TNS3: variants seen among roughly 807,000 people sequenced by gnomAD.
The protein encoded by TNS3 is tensin-3.
In TNS3, 45 loss-of-function variants were observed where a neutral mutation model predicts 140.9. The ratio of observed to expected loss-of-function variants is 0.32; its 90% CI spans 0.25 to 0.41. TNS3 has a LOEUF of 0.41. TNS3 is among the 10% of genes least tolerant of loss of function. The pLI, the probability that TNS3 is intolerant of heterozygous loss-of-function variation, is 1.00. For synonymous variants in TNS3, 815 were observed against 788.4 expected (o/e 1.03, Z -0.56); for missense variants, 1,716 against 1,906.7 (o/e 0.90, Z 1.86).
intron 4 of TNS3, among the ~76,000 whole-genome samples, chr7:47,455,897 G>C (rs1358427798): frequency 1.3e-5 from 2 of 152,198 alleles, no homozygotes; most frequent in African/African-American, 2.4e-5. Flanking sequence ...CAGAGTCTGG[G>C]CAGAGAAATG....
chr7:47,398,974 A>T (rs1225700566), intron 15 of TNS3, among the ~76,000 whole-genome samples: 1 of 151,938 alleles, frequency 6.6e-6, no homozygotes, highest in East Asian at 1.9e-4. Flanking sequence ...AATTCAGTAA[A>T]GTATCAGGTT....
At chr7:47,391,094 CG>C (rs1188018286) in intron 16 of TNS3, among the ~76,000 whole-genome samples, 3 of 152,188 alleles carry the variant, frequency 2.0e-5, no homozygotes, top group Admixed American at 6.5e-5. Flanking sequence ...ACCAGCCAGG[CG>C]GAACACACTT....
rs3839718 is a variant in TNS3 at position 47,380,738 on chromosome 7, G to GCACAGA, written c.1025-11123_1025-11118dup. Among the ~76,000 whole-genome samples, 358 of 151,740 alleles carry GCACAGA rather than the reference G, an allele frequency of 2.4e-3. 4 individuals are homozygous for GCACAGA. In the East Asian group the frequency reaches 0.033, roughly 14 times the overall value. On this transcript the variant is annotated intron_variant, in intron 16 of 30. Coordinates refer to ENST00000311160, the MANE Select transcript of TNS3 (RefSeq NM_022748.12). ...ATGCACACACACACTCACCACACAG[G>GCACAGA]CACAGACACACATACACATATGCAC...
chr7:47,344,968 A>G lies in TNS3; in HGVS notation c.2522T>C (p.Met841Thr). The G allele has an allele frequency of 1.2e-6, 2 of 1,614,248 alleles. No homozygotes were observed. The highest frequency in any genetic ancestry group is 1.7e-6 in the Non-Finnish European group (2 of 1,180,048). ...CACAGGAAATGCTGGAGTTGAACACATGGACTCCTTGCTACTTAAAATTCT... is the reference window on the plus strand; with the variant it reads ...CACAGGAAATGCTGGAGTTGAACACGTGGACTCCTTGCTACTTAAAATTCT... ...DGRILSSKES[M>T]CSTPAFPVSP... Residue 841 changes from methionine (M) to threonine (T), a missense_variant, in exon 19 of 31, where the codon ATG becomes ACG. Around this residue, in one of 3 missense-constraint regions of TNS3, gnomAD observed 1,163 missense variants for 1,182.1 expected, o/e 0.98. Coordinates refer to ENST00000311160, the MANE Select transcript of TNS3 (RefSeq NM_022748.12).
intron 17 of TNS3, among the ~76,000 whole-genome samples, chr7:47,362,069 C>T (rs1174758433): frequency 1.3e-5 from 2 of 152,174 alleles, no homozygotes; most frequent in African/African-American, 4.8e-5. Flanking sequence ...CAGGCTGAAA[C>T]CAGGCTGAGA....
intron 4 of TNS3, among the ~76,000 whole-genome samples, chr7:47,460,424 G>A (rs757249435): frequency 1.2e-4 from 18 of 152,242 alleles, no homozygotes; most frequent in South Asian, 6.2e-4. Context: ...TGCCCCGCAC[G>A]GTGGTGCTTT....
chr7:47,427,298 A>G (rs1226373534), intron 9 of TNS3, among the ~76,000 whole-genome samples: 2 of 152,102 alleles, frequency 1.3e-5, no homozygotes, highest in Non-Finnish European at 2.9e-5. Flanking sequence ...CCAAGAGGGT[A>G]TCTGATTTTC....
intron 1 of TNS3, among the ~76,000 whole-genome samples, chr7:47,530,834 AAAAAAT>A (rs1334560460): frequency 2.3e-4 from 7 of 30,828 alleles, no homozygotes; most frequent in African/African-American, 5.3e-4. Flanking sequence ...AAAAAAAAAA[AAAAAAT>A]ATATATATAT....
At chr7:47,484,881 C>G (rs1797553310) in intron 3 of TNS3, among the ~76,000 whole-genome samples, 1 of 152,232 alleles carries the variant, frequency 6.6e-6, no homozygotes, top group Non-Finnish European at 1.5e-5. Context: ...GGGGCCAACT[C>G]CAGGTGGGCT....
rs1554293440 is a variant in TNS3 at position 47,321,214 on chromosome 7, C to CACTAA, written c.2651-16216_2651-16212dup. Among the ~76,000 whole-genome samples the CACTAA allele has an allele frequency of 4.3e-4, 65 of 152,332 alleles. 2 individuals carry two copies. The East Asian group carries it at 0.013, about 29-fold the overall frequency. On this transcript the variant is annotated intron_variant, in intron 20 of 30. Transcript: ENST00000311160. Reference sequence around the variant, plus strand: ...TTCTCCTCTCTTTGTGTTTTTGTTTCACTAAGGTTTCCGATTCATACCATG... The same window carrying CACTAA: ...TTCTCCTCTCTTTGTGTTTTTGTTTCACTAAACTAAGGTTTCCGATTCATACCATG...
At chr7:47,414,708 C>A (rs190538778) in intron 11 of TNS3, among the ~76,000 whole-genome samples, 1 of 152,290 alleles carries the variant, frequency 6.6e-6, no homozygotes, top group Non-Finnish European at 1.5e-5. Flanking sequence ...TCATGAGATG[C>A]GTCAGGGGAG....
At chr7:47,413,329 G>A (rs1034098275) in intron 12 of TNS3, among the ~76,000 whole-genome samples, 2 of 134,910 alleles carry the variant, frequency 1.5e-5, no homozygotes, top group Admixed American at 8.8e-5. Context: ...TCGGCTCACT[G>A]CAACCTCCAC....
intron 17 of TNS3, among the ~76,000 whole-genome samples, chr7:47,359,456 GA>G (rs756659591): frequency 1.3e-5 from 2 of 152,098 alleles, no homozygotes; most frequent in Non-Finnish European, 2.9e-5. Context: ...ACAAATTTCT[GA>G]AACTAGATAG....
intron 1 of TNS3, among the ~76,000 whole-genome samples, chr7:47,531,791 G>A (rs989177751): frequency 6.6e-6 from 1 of 152,208 alleles, no homozygotes; most frequent in South Asian, 2.1e-4. Flanking sequence ...GAGTTGGGGT[G>A]GGAACTCCCT....
In TNS3 at chr7:47,424,183, C is replaced by A. The variant is rs1164356948; in HGVS notation, c.391G>T (p.Ala131Ser). ...YMHFTNVSAS[A>S]DQALDRFAMK... is the part of the protein sequence containing the mutation. ...GCAAACCTGTCAAGGGCCTGGTCGG[C>A]GCTGAAGGGGAGAGAGAGAGAAAGA... The change falls in exon 10 of 31, where the codon GCC becomes TCC. Residue 131 changes from alanine to serine, a missense_variant and splice_region_variant. Transcript: ENST00000311160. The A allele has an allele frequency of 6.2e-7, 1 of 1,613,968 alleles. No homozygotes were observed. Among genetic ancestry groups the A allele is most frequent in the African/African-American group, 1.3e-5 (1 of 75,010 alleles).
chr7:47,409,608 A>C (rs1193827005), intron 13 of TNS3, among the ~76,000 whole-genome samples: 1 of 151,890 alleles, frequency 6.6e-6, no homozygotes, highest in African/African-American at 2.4e-5. Context: ...AAACAAGATG[A>C]GGGCGGGTGC....
chr7:47,316,374 T>C (rs368429642), intron 20 of TNS3, among the ~76,000 whole-genome samples: 8 of 152,212 alleles, frequency 5.3e-5, no homozygotes, highest in East Asian at 1.9e-4. Context: ...GTTGGGCACA[T>C]TGTCAACCCC....
chr7:47,290,641 C>G (rs974543238), intron 27 of TNS3, among the ~76,000 whole-genome samples: 4 of 152,170 alleles, frequency 2.6e-5, no homozygotes, highest in African/African-American at 9.7e-5. Flanking sequence ...GATACCACTA[C>G]GCTACTATTA....
At chr7:47,307,522 T>G (rs998981548) in intron 20 of TNS3, among the ~76,000 whole-genome samples, 2 of 152,232 alleles carry the variant, frequency 1.3e-5, no homozygotes, top group East Asian at 3.8e-4. Flanking sequence ...GGTAAGTGTC[T>G]ATGTAACTTT....
Sources: allele counts gnomAD v4.1 joint callset (sites outside exome capture counted in the v4.1 genomes callset), GRCh38; gene constraint gnomAD v4.1.1; regional missense constraint gnomAD v4.1.1; transcripts MANE v1.5; gene names NCBI Gene and HGNC (gene_info 2026-07-23, HGNC 2026-07-21).